Variants in AFAP1 observed in about 807,000 individuals in gnomAD.
AFAP1 encodes actin filament-associated protein 1.
Under a neutral mutation model 93.9 loss-of-function variants are expected in AFAP1, and 75 were observed. That is an observed-to-expected ratio of 0.80 (90% confidence interval 0.66 to 0.97). The LOEUF (loss-of-function observed/expected upper bound fraction) is 0.97, where lower values mean the gene tolerates loss of function less well. Ranked by LOEUF, AFAP1 falls within the 50% of genes least tolerant of loss-of-function variation. The pLI is 0.00. For missense variants in AFAP1, 1,201 were observed against 1,050.8 expected, an observed-to-expected ratio of 1.14 and a Z score of -1.98; for synonymous variants, 517 against 430.7, an observed-to-expected ratio of 1.20 and a Z score of -2.48.
intron 11 of AFAP1, among the ~76,000 whole-genome samples, 161 bp from the exon 12 acceptor site, chr4:7,786,472 G>A (rs116320379): frequency 0.018 from 2,779 of 152,332 alleles, 32 homozygotes; most frequent in Middle Eastern, 0.034. Context: ...GAGATGATGC[G>A]CTGGAGGGAC....
intron 11 of AFAP1, 53 bp downstream of exon 11, chr4:7,793,628 G>T (rs1718099516): frequency 4.9e-6 from 7 of 1,424,782 alleles, no homozygotes; most frequent in African/African-American, 1.4e-5. Flanking sequence ...GCTAAGTTAG[G>T]GAAAAGACAG....
intron 4 of AFAP1, 25 bp downstream of exon 4, chr4:7,855,441 T>C (rs1172243060): frequency 1.3e-6 from 2 of 1,530,932 alleles, no homozygotes; most frequent in Non-Finnish European, 1.8e-6. Flanking sequence ...AAAGGCAGCA[T>C]GGCTGGGCAG....
chr4:7,903,800 C>T (rs1719249642), intron 1 of AFAP1, among the ~76,000 whole-genome samples: 1 of 152,206 alleles, frequency 6.6e-6, no homozygotes, highest in Non-Finnish European at 1.5e-5. Context: ...GATCCTTGTC[C>T]CTCACAAATG....
chr4:7,799,060 A>G, intron 10 of AFAP1: 1 of 986,044 alleles, frequency 1.0e-6, no homozygotes, highest in Non-Finnish European at 1.2e-6. Flanking sequence ...GCCTACATAA[A>G]TGTTTACAAG....
intron 14 of AFAP1, chr4:7,775,724 G>C (rs1716041537): frequency 6.6e-6 from 1 of 152,188 alleles, no homozygotes; most frequent in Admixed American, 6.5e-5. Context: ...TGCATGACCT[G>C]GAACAGGGCA....
chr4:7,856,721 C>T (rs1453694604), intron 3 of AFAP1, among the ~76,000 whole-genome samples: 2 of 152,142 alleles, frequency 1.3e-5, no homozygotes, highest in Non-Finnish European at 2.9e-5. Flanking sequence ...TCTAATCCAC[C>T]CCAGCCTCTC....
chr4:7,814,728 A>G (rs1720325658), intron 8 of AFAP1, among the ~76,000 whole-genome samples: 1 of 152,238 alleles, frequency 6.6e-6, no homozygotes, highest in Non-Finnish European at 1.5e-5. Context: ...GAAACAGATC[A>G]GCAGCTGCCA....
intron 11 of AFAP1, 41 bp from the exon 12 acceptor site, chr4:7,786,352 C>T (rs1463053859): frequency 6.6e-7 from 1 of 1,510,212 alleles, no homozygotes; most frequent in Admixed American, 1.7e-5. Flanking sequence ...AACCTGACCA[C>T]CTTTTACTCC....
At chr4:7,848,281 G>A (rs928158053) in intron 4 of AFAP1, among the ~76,000 whole-genome samples, 4 of 151,138 alleles carry the variant, frequency 2.6e-5, no homozygotes, top group African/African-American at 7.3e-5. Context: ...TTTATTAGGG[G>A]GGATGGCTCA....
At chr4:7,908,191 G>T (rs953971642) in intron 1 of AFAP1, among the ~76,000 whole-genome samples, 1 of 151,622 alleles carries the variant, frequency 6.6e-6, no homozygotes, top group African/African-American at 2.4e-5. Context: ...CAGCCTGGGC[G>T]ACAGAGCAAG....
At chr4:7,843,068 C>A in intron 5 of AFAP1, 71 bp downstream of exon 5, 1 of 1,512,560 alleles carries the variant, frequency 6.6e-7, no homozygotes, top group Non-Finnish European at 9.1e-7. Flanking sequence ...TTAATGGTGA[C>A]TGGATATAAA....
rs199560271 is a variant in AFAP1 at position 7,819,100 on chromosome 4, C to T, written c.798G>A (p.Pro266=). ...CCTTCTCCAGTTCTGCCTTGTGCACCGGGGAGCTTGGTGGAGGAGGACACT... is the reference window on the plus strand; with the variant it reads ...CCTTCTCCAGTTCTGCCTTGTGCACTGGGGAGCTTGGTGGAGGAGGACACT... The part of the protein sequence containing the change: ...DSECPPPPSS[P]VHKAELEKKL... Residue 266 remains proline (P), a synonymous_variant, in exon 7 of 18, where the codon CCG becomes CCA. Coordinates refer to ENST00000420658, the MANE Select transcript of AFAP1 (RefSeq NM_001134647.2). 320 of 1,613,316 alleles carry T rather than the reference C, an allele frequency of 2.0e-4. No individual in the cohort carries two copies. The highest frequency in any genetic ancestry group is 2.0e-3 in the South Asian group (180 of 90,894).
intron 6 of AFAP1, among the ~76,000 whole-genome samples, chr4:7,828,242 G>A (rs1721606677): frequency 6.6e-6 from 1 of 152,146 alleles, no homozygotes; most frequent in African/African-American, 2.4e-5. Context: ...AATCCCTATA[G>A]CGTCGCCCCC....
intron 6 of AFAP1, among the ~76,000 whole-genome samples, chr4:7,834,048 C>T (rs1454523634): frequency 6.6e-6 from 1 of 150,822 alleles, no homozygotes; most frequent in Non-Finnish European, 1.5e-5. Context: ...GTGGAACCAA[C>T]CCAAATGCCC....
chr4:7,784,801 A>G (rs1717114646), intron 12 of AFAP1, among the ~76,000 whole-genome samples: 1 of 152,154 alleles, frequency 6.6e-6, no homozygotes, highest in Non-Finnish European at 1.5e-5. Flanking sequence ...GGGGGTCCTC[A>G]GCCCCTCTCT....
chr4:7,930,265 C>T (rs1263932831), intron 1 of AFAP1, among the ~76,000 whole-genome samples: 1 of 152,214 alleles, frequency 6.6e-6, no homozygotes, highest in African/African-American at 2.4e-5. Flanking sequence ...GGAGTGCCAC[C>T]TCCCCAGCAC....
intron 9 of AFAP1, among the ~76,000 whole-genome samples, chr4:7,804,474 G>GTGCAA (rs57135161): frequency 1.3e-5 from 2 of 152,026 alleles, no homozygotes; most frequent in Non-Finnish European, 1.5e-5. Context: ...TGTGGCAAGA[G>GTGCAA]GATCATGCTA....
At chr4:7,868,916 T>A in intron 2 of AFAP1, among the ~76,000 whole-genome samples, 197 bp from the exon 3 acceptor site, 1 of 97,878 alleles carries the variant, frequency 1.0e-5, no homozygotes, top group East Asian at 2.7e-4. Context: ...TTAAATAAAG[T>A]GAAAGAAAAG....
intron 6 of AFAP1, among the ~76,000 whole-genome samples, chr4:7,833,074 C>G (rs932695457): frequency 6.6e-6 from 1 of 152,158 alleles, no homozygotes; most frequent in Non-Finnish European, 1.5e-5. Flanking sequence ...CAGAAAAACC[C>G]TTCTAGACAT....
Sources: gnomAD v4.1 joint callset for allele counts (sites outside exome capture counted in the v4.1 genomes callset) on GRCh38, gnomAD v4.1.1 for gene constraint, MANE v1.5 for transcripts, NCBI Gene and HGNC (gene_info 2026-07-23, HGNC 2026-07-21) for gene names.